The following RILPL2 variants were observed in gnomAD, a reference collection of about 807,000 sequenced individuals.
The protein encoded by RILPL2 is Rab interacting lysosomal protein like 2, also known as RILP-like protein 2.
In RILPL2, 19 loss-of-function variants were observed where a neutral mutation model predicts 22.2. The ratio of observed to expected loss-of-function variants is 0.86; its 90% CI spans 0.60 to 1.25. The LOEUF (loss-of-function observed/expected upper bound fraction) is 1.25. RILPL2 is among the 50% of genes most tolerant of loss of function. RILPL2 has a pLI of 0.00. For missense variants in RILPL2, 243 were observed against 263.6 expected (o/e 0.92, Z 0.54); for synonymous variants, 123 against 111.6 (o/e 1.10, Z -0.64).
At chr12:123,435,632 G>C (rs923359289) in intron 1 of RILPL2, among the ~76,000 whole-genome samples, 5 of 152,026 alleles carry the variant, frequency 3.3e-5, no homozygotes, top group South Asian at 2.1e-4. Context: ...CCAGCTACTT[G>C]GAAGGGCAAG....
intron 1 of RILPL2, among the ~76,000 whole-genome samples, chr12:123,435,036 C>T (rs1879754935): frequency 1.3e-5 from 2 of 151,628 alleles, no homozygotes; most frequent in Middle Eastern, 3.4e-3. Context: ...AAAAAATAGC[C>T]ACGCGTGGTG....
chr12:123,427,750 G>T (rs528853960), intron 2 of RILPL2, among the ~76,000 whole-genome samples: 4 of 151,968 alleles, frequency 2.6e-5, no homozygotes, highest in Non-Finnish European at 5.9e-5. Context: ...TCACCATGTT[G>T]CCCAGGCTGA....
intron 3 of RILPL2, among the ~76,000 whole-genome samples, chr12:123,420,868 T>C (rs1207825178): frequency 6.6e-6 from 1 of 152,100 alleles, no homozygotes; most frequent in African/African-American, 2.4e-5. Context: ...GGTAAATAGA[T>C]GCGGCTTCAG....
downstream of RILPL2, chr12:123,411,015 CTG>C (rs1181935369): frequency 6.6e-6 from 1 of 152,076 alleles, no homozygotes; most frequent in African/African-American, 2.4e-5. Context: ...GCGTGAGCCA[CTG>C]TGCCTGACTT....
chr12:123,435,479 C>T (rs1226251597), intron 1 of RILPL2, among the ~76,000 whole-genome samples: 2 of 152,144 alleles, frequency 1.3e-5, no homozygotes, highest in Non-Finnish European at 1.5e-5. Context: ...TGGCTCACAT[C>T]CACAAGCCCA....
At chr12:123,431,289 A>G (rs1363541776) in intron 1 of RILPL2, among the ~76,000 whole-genome samples, 7 of 152,240 alleles carry the variant, frequency 4.6e-5, no homozygotes, top group East Asian at 1.9e-4. Context: ...TGCTGAGTGA[A>G]ATAAGCCAGG....
chr12:123,424,438 T>C (rs1372917465), intron 2 of RILPL2, among the ~76,000 whole-genome samples: 1 of 149,704 alleles, frequency 6.7e-6, no homozygotes, highest in African/African-American at 2.4e-5. Flanking sequence ...TTCAAATGAT[T>C]CTCCTGCCTC....
Position 123,436,598 on chromosome 12 carries a change from G to T in RILPL2, c.-178C>A. The T allele has an allele frequency of 9.7e-7, 1 of 1,033,652 alleles. No homozygotes were observed. Among genetic ancestry groups the T allele is most frequent in the Non-Finnish European group, 1.4e-6 (1 of 735,412 alleles). 64.0% of individuals were successfully genotyped at this position (1,033,652 alleles called of 1,614,324 possible). ...GGCCGCGCACGCGACTCTTGGGCCT[G>T]CGCCCCGGCGCACCGTCCCCGCTGC... On this transcript the variant is annotated 5_prime_UTR_variant, in exon 1 of 4. Transcript: ENST00000280571. This position sits in a 1 kb window ranked among gnomAD's most constrained non-coding sequence, Gnocchi z 6.7.
At chr12:123,423,541 G>C (rs552446662) in intron 2 of RILPL2, among the ~76,000 whole-genome samples, 12 of 151,888 alleles carry the variant, frequency 7.9e-5, no homozygotes, top group African/African-American at 2.2e-4. Flanking sequence ...TGAAAATAAA[G>C]GGTCTTAATG....
intron 2 of RILPL2, among the ~76,000 whole-genome samples, chr12:123,424,641 TA>T (rs1170285932): frequency 2.2e-4 from 34 of 152,224 alleles, no homozygotes; most frequent in African/African-American, 6.5e-4. Flanking sequence ...CCTTCCCAAT[TA>T]TGTTACCAAA....
In RILPL2 at chr12:123,427,548, C is replaced by CT. The variant is rs375969956; in HGVS notation, c.491+2959dup. Among the ~76,000 whole-genome samples the CT allele has an allele frequency of 1.4e-3, 212 of 146,336 alleles. 1 individual carries two copies. The highest frequency in any genetic ancestry group is 6.9e-3 in the Middle Eastern group (2 of 290). On this transcript the variant is annotated intron_variant, in intron 2 of 3. Transcript: ENST00000280571. ...CCTACCATATTTCCCTGGAATTATA[C>CT]TTTTTTTTTTTTGAGATACAGTCTC... is the stretch of plus-strand genomic sequence containing the variant.
intron 2 of RILPL2, among the ~76,000 whole-genome samples, chr12:123,427,699 G>A (rs1026994600): frequency 6.6e-6 from 1 of 151,902 alleles, no homozygotes; most frequent in Non-Finnish European, 1.5e-5. Flanking sequence ...GAGTCACCAC[G>A]CCTGGCTAAT....
chr12:123,410,421 T>C (rs1878937869), downstream of RILPL2, among the ~76,000 whole-genome samples: 1 of 152,142 alleles, frequency 6.6e-6, no homozygotes, highest in South Asian at 2.1e-4. Context: ...GTTTTAAGTG[T>C]TTGTCAGCCG....
At chr12:123,430,482 A>G in intron 2 of RILPL2, 26 bp downstream of exon 2, 3 of 1,589,920 alleles carry the variant, frequency 1.9e-6, no homozygotes, top group African/African-American at 1.4e-5. Flanking sequence ...GTCTGGGTGC[A>G]GGACCCTCCA....
At chr12:123,418,756 CTTTTTTTTT>C (rs1202023726) in intron 3 of RILPL2, among the ~76,000 whole-genome samples, 2 of 96,240 alleles carry the variant, frequency 2.1e-5, no homozygotes, top group Non-Finnish European at 4.0e-5. Flanking sequence ...CTTTTTCTTT[CTTTTTTTTT>C]TTTTTTTTTT....
downstream of RILPL2, among the ~76,000 whole-genome samples, chr12:123,410,311 A>G (rs1314508117): frequency 6.6e-6 from 1 of 152,198 alleles, no homozygotes; most frequent in African/African-American, 2.4e-5. Context: ...CCCTATTACC[A>G]GCCCAGATCC....
At chr12:123,429,059 G>A (rs943958591) in intron 2 of RILPL2, among the ~76,000 whole-genome samples, 4 of 152,112 alleles carry the variant, frequency 2.6e-5, no homozygotes, top group Admixed American at 6.6e-5. Flanking sequence ...GAGTCTCAAC[G>A]TGATTATGGC....
chr12:123,419,587 G>C (rs1566089903), intron 3 of RILPL2, among the ~76,000 whole-genome samples: 2 of 150,976 alleles, frequency 1.3e-5, no homozygotes, highest in Non-Finnish European at 2.9e-5. Flanking sequence ...TTATCAAGAG[G>C]ATATTGACTC....
chr12:123,429,763 T>A (rs1357433852), intron 2 of RILPL2, among the ~76,000 whole-genome samples: 1 of 151,498 alleles, frequency 6.6e-6, no homozygotes, highest in Non-Finnish European at 1.5e-5. Flanking sequence ...TGAGCCACCA[T>A]GCCCAGCTAA....
Sources: gnomAD v4.1 joint callset for allele counts (sites outside exome capture counted in the v4.1 genomes callset) on GRCh38, gnomAD v4.1.1 for gene constraint, Gnocchi (gnomAD v3.1) non-coding constraint, MANE v1.5 for transcripts, NCBI Gene and HGNC (gene_info 2026-07-23, HGNC 2026-07-21) for gene names.